Variants in ZNF385D observed in about 807,000 individuals in gnomAD.
ZNF385D encodes zinc finger protein 659.
In ZNF385D, 15 loss-of-function variants were observed where a neutral mutation model predicts 35.8. That is an observed-to-expected ratio of 0.42 (90% CI 0.28 to 0.64). The LOEUF is 0.64. ZNF385D is among the 30% of genes least tolerant of loss of function. The pLI is 0.23. For missense variants in ZNF385D, 474 were observed against 494.6 expected (o/e 0.96, Z 0.39); for synonymous variants, 212 against 186.8 (o/e 1.13, Z -1.10).
chr3:22,143,203 C>G (rs1704634317), intron 3 of ZNF385D, among the ~76,000 whole-genome samples: 1 of 151,928 alleles, frequency 6.6e-6, no homozygotes, highest in African/African-American at 2.4e-5. Flanking sequence ...CTGCCTCAGC[C>G]TCCGGAGTAG....
intron 4 of ZNF385D, among the ~76,000 whole-genome samples, chr3:21,469,325 G>A (rs1469384248): frequency 6.6e-6 from 1 of 152,158 alleles, no homozygotes; most frequent in Admixed American, 6.6e-5. Flanking sequence ...CAAGGTAAAT[G>A]TCACTCTGAG....
intron 3 of ZNF385D, among the ~76,000 whole-genome samples, chr3:21,559,360 G>A (rs1389373678): frequency 1.3e-5 from 2 of 152,150 alleles, no homozygotes; most frequent in Non-Finnish European, 2.9e-5. Flanking sequence ...GGCAGGCCGG[G>A]TGGTGACAAA....
At chr3:22,090,583 T>TA (rs991246766) in intron 3 of ZNF385D, among the ~76,000 whole-genome samples, 38 of 152,266 alleles carry the variant, frequency 2.5e-4, no homozygotes, top group Admixed American at 1.3e-3. Context: ...AAAGAATATT[T>TA]AGTGTAGTCA....
chr3:22,046,077 T>C (rs1559330499), intron 3 of ZNF385D, among the ~76,000 whole-genome samples: 1 of 145,390 alleles, frequency 6.9e-6, no homozygotes. Context: ...GGGAGGAAAA[T>C]TGATGATAGT....
rs556749043 is a variant in ZNF385D at position 21,911,445 on chromosome 3, T to A, written c.326-246417A>T. 2.0e-5 allele frequency among the ~76,000 whole-genome samples: 3 copies of A among 152,084 alleles called. No individual in the cohort carries two copies. In the East Asian group the frequency reaches 5.8e-4, roughly 29 times the overall value. ...GAGAAATGAGCTCATATTCTTGCTCTGCCATCTATTAGATATGTGACTCTA... is the reference window on the plus strand; with the variant it reads ...GAGAAATGAGCTCATATTCTTGCTCAGCCATCTATTAGATATGTGACTCTA... On this transcript the variant is annotated intron_variant, in intron 3 of 5. Coordinates refer to the ZNF385D transcript ENST00000494108.
chr3:21,556,720 A>G (rs577694138), intron 3 of ZNF385D, among the ~76,000 whole-genome samples: 24 of 151,252 alleles, frequency 1.6e-4, no homozygotes, highest in African/African-American at 3.6e-4. Context: ...AAGAGAGTTA[A>G]TGGTAGCTTG....
At chr3:21,614,537 T>C (rs2064784505) in intron 2 of ZNF385D, among the ~76,000 whole-genome samples, 1 of 152,146 alleles carries the variant, frequency 6.6e-6, no homozygotes, top group Non-Finnish European at 1.5e-5. Flanking sequence ...GGAACATGGA[T>C]GAATGGCAGG....
At chr3:21,812,882 G>C (rs1279334380) in intron 3 of ZNF385D, among the ~76,000 whole-genome samples, 1 of 152,198 alleles carries the variant, frequency 6.6e-6, no homozygotes, top group Non-Finnish European at 1.5e-5. Context: ...TCTGAGAATG[G>C]ACAGAGTGCC....
intron 3 of ZNF385D, among the ~76,000 whole-genome samples, chr3:21,924,908 C>T (rs532999699): frequency 6.6e-6 from 1 of 152,164 alleles, no homozygotes; most frequent in Non-Finnish European, 1.5e-5. Context: ...TGCCCTCCTT[C>T]TCCTGCTACA....
chr3:22,257,395 T>G (rs1166361312), intron 2 of ZNF385D, among the ~76,000 whole-genome samples: 2 of 151,860 alleles, frequency 1.3e-5, no homozygotes, highest in Admixed American at 6.6e-5. Context: ...ATCATCATAC[T>G]GAACCTCTCA....
At chr3:21,868,198 G>T (rs965285402) in intron 3 of ZNF385D, among the ~76,000 whole-genome samples, 22 of 152,162 alleles carry the variant, frequency 1.4e-4, no homozygotes, top group African/African-American at 5.1e-4. Flanking sequence ...AGTCTCTGTT[G>T]CAATTTTTCA....
intron 2 of ZNF385D, among the ~76,000 whole-genome samples, chr3:21,608,990 A>C (rs188442760): frequency 6.6e-6 from 1 of 152,330 alleles, no homozygotes; most frequent in Admixed American, 6.5e-5. Context: ...GATGTAATCA[A>C]GTATTTGATA....
intron 2 of ZNF385D, among the ~76,000 whole-genome samples, chr3:22,182,711 T>G (rs1190279165): frequency 2.0e-5 from 3 of 152,126 alleles, no homozygotes; most frequent in African/African-American, 7.2e-5. Context: ...TGAAAGATTG[T>G]TTAATAAGTT....
intron 3 of ZNF385D, among the ~76,000 whole-genome samples, chr3:21,920,990 C>G (rs931162662): frequency 6.6e-6 from 1 of 151,440 alleles, no homozygotes; most frequent in Admixed American, 6.6e-5. Context: ...CTGAGGCGGG[C>G]GGATCATGAG....
chr3:21,752,381 T>C (rs191829125), upstream of ZNF385D, among the ~76,000 whole-genome samples: 923 of 152,302 alleles, frequency 6.1e-3, 8 homozygotes, highest in African/African-American at 0.021. Context: ...ATTTTTAATC[T>C]GGGCTTTTAT....
rs531327059 is a variant in ZNF385D, at chr3:21,706,969, C to T, written c.23-41941G>A. On this transcript the variant is annotated intron_variant, in intron 1 of 7. Transcript: ENST00000281523. ...GCCTCAGCCTTCATCCCTCTGTATG[C>T]GTAGATACATCTACGGGAACAATTT... 5.9e-5 allele frequency among the ~76,000 whole-genome samples: 9 copies of T among 152,204 alleles called. No homozygotes were observed. The East Asian group carries it at 1.2e-3, about 20-fold the overall frequency.
intron 3 of ZNF385D, among the ~76,000 whole-genome samples, chr3:22,165,640 T>C (rs575918370): frequency 1.2e-3 from 181 of 152,354 alleles, no homozygotes; most frequent in African/African-American, 4.2e-3. Context: ...TACAGGAATA[T>C]AGCATTTCTC....
chr3:22,169,797 A>G (rs749572313), intron 2 of ZNF385D, among the ~76,000 whole-genome samples: 2 of 152,086 alleles, frequency 1.3e-5, no homozygotes, highest in African/African-American at 2.4e-5. Flanking sequence ...TTAATATGAC[A>G]TTTATTTCTT....
rs372230905 is a variant in ZNF385D at position 21,615,616 on chromosome 3, AT to A, written c.165+49269del. Among the ~76,000 whole-genome samples, 533 of 151,418 alleles carry A rather than the reference AT, an allele frequency of 3.5e-3. 2 individuals carry two copies. Among genetic ancestry groups the A allele is most frequent in the African/African-American group, 0.012 (506 of 41,234 alleles). Reference sequence around the variant, plus strand: ...ATGTTCTTGATTTTACCCTCTACCCATTTTTTTCAACATCAAAACACTAGAG... The same window carrying A: ...ATGTTCTTGATTTTACCCTCTACCCATTTTTTCAACATCAAAACACTAGAG... On this transcript the variant is annotated intron_variant, in intron 2 of 7. Coordinates refer to ENST00000281523, the MANE Select transcript of ZNF385D (RefSeq NM_024697.3).
Sources: gnomAD v4.1 joint callset for allele counts (sites outside exome capture counted in the v4.1 genomes callset) on GRCh38, gnomAD v4.1.1 for gene constraint, MANE v1.5 for transcripts, NCBI Gene and HGNC (gene_info 2026-07-23, HGNC 2026-07-21) for gene names.